SPATA17: variants seen among roughly 807,000 people sequenced by gnomAD.
SPATA17 encodes the protein spermatogenesis-associated protein 17.
Under a neutral mutation model 62.2 loss-of-function variants are expected in SPATA17, and 53 were observed. The ratio of observed to expected loss-of-function variants is 0.85; its 90% confidence interval spans 0.68 to 1.07. The LOEUF is 1.07. Ranked by LOEUF, SPATA17 falls within the 50% of genes least tolerant of loss-of-function variation. The pLI is 0.00. For missense variants in SPATA17, 466 were observed against 425.5 expected (o/e 1.10, Z -0.84); for synonymous variants, 146 against 146.8 (o/e 0.99, Z 0.04).
intron 3 of SPATA17, among the ~76,000 whole-genome samples, chr1:217,662,853 A>G (rs181417598): frequency 6.6e-6 from 1 of 152,260 alleles, no homozygotes; most frequent in African/African-American, 2.4e-5. Context: ...ATTTTTCTTT[A>G]TAGGACTTCC....
rs1439797661 is a variant in SPATA17 at position 217,774,500 on chromosome 1, C to T, written c.686C>T (p.Ser229Phe). The change falls in exon 7 of 11, where the codon TCT (serine) becomes TTT (phenylalanine). Residue 229 changes from serine (S) to phenylalanine (F), a missense_variant. Coordinates refer to ENST00000366933, the MANE Select transcript of SPATA17 (RefSeq NM_138796.4). ...ACAAGCGCCCGTTCTTTTCCTCGGT[C>T]TGAAATTCTACCACCTATTAATAGA... Reference protein sequence around the residue: ...ACTSARSFPRSEILPPINRKQ... With the variant: ...ACTSARSFPRFEILPPINRKQ... 6.2e-7 allele frequency: 1 copy of T among 1,613,978 alleles called. No individual in the cohort carries two copies. The highest frequency in any genetic ancestry group is 1.1e-5 in the South Asian group (1 of 91,070).
At chr1:217,810,450 C>G (rs1191176904) in intron 9 of SPATA17, among the ~76,000 whole-genome samples, 1 of 151,878 alleles carries the variant, frequency 6.6e-6, no homozygotes, top group Admixed American at 6.6e-5. Flanking sequence ...AGTGAAACCC[C>G]ATCTCTACTA....
intron 9 of SPATA17, among the ~76,000 whole-genome samples, chr1:217,855,310 G>A (rs953309822): frequency 5.9e-5 from 9 of 151,992 alleles, no homozygotes; most frequent in Non-Finnish European, 1.5e-5. Context: ...TAATGTTGCT[G>A]GAATATCTTA....
intron 5 of SPATA17, among the ~76,000 whole-genome samples, chr1:217,714,617 G>A (rs1196929431): frequency 6.6e-6 from 1 of 150,768 alleles, no homozygotes; most frequent in Non-Finnish European, 1.5e-5. Context: ...CCGAGTAGCT[G>A]GGACTACAGG....
chr1:217,702,732 A>C (rs1671627782), intron 5 of SPATA17, among the ~76,000 whole-genome samples: 1 of 151,958 alleles, frequency 6.6e-6, no homozygotes, highest in Non-Finnish European at 1.5e-5. Flanking sequence ...ATCCTTTGGC[A>C]TTTTTTCAGC....
At chr1:217,840,075 T>G (rs2103006265) in intron 9 of SPATA17, among the ~76,000 whole-genome samples, 1 of 152,274 alleles carries the variant, frequency 6.6e-6, no homozygotes, top group East Asian at 1.9e-4. Flanking sequence ...TACATTTTGT[T>G]ATTAATGTTA....
intron 5 of SPATA17, among the ~76,000 whole-genome samples, chr1:217,731,212 A>G (rs1672396913): frequency 6.6e-6 from 1 of 151,836 alleles, no homozygotes; most frequent in Admixed American, 6.6e-5. Context: ...TTTTCATTGT[A>G]CACTCTATAG....
At chr1:217,839,548 C>T (rs1203150502) in intron 9 of SPATA17, among the ~76,000 whole-genome samples, 2 of 151,860 alleles carry the variant, frequency 1.3e-5, no homozygotes, top group African/African-American at 2.4e-5. Context: ...ATTACAGTCT[C>T]GGGACAGGAC....
intron 1 of SPATA17, among the ~76,000 whole-genome samples, chr1:217,633,848 A>G (rs1051096041): frequency 6.6e-6 from 1 of 152,230 alleles, no homozygotes; most frequent in African/African-American, 2.4e-5. Flanking sequence ...TTGGTTGAGA[A>G]AATACATTCC....
At chr1:217,848,174 A>G (rs1675569743) in intron 9 of SPATA17, among the ~76,000 whole-genome samples, 1 of 152,226 alleles carries the variant, frequency 6.6e-6, no homozygotes, top group Non-Finnish European at 1.5e-5. Flanking sequence ...TAAAACATGC[A>G]TAAAGAAAAA....
chr1:217,644,488 G>C (rs977609223), intron 1 of SPATA17, among the ~76,000 whole-genome samples: 2 of 151,818 alleles, frequency 1.3e-5, no homozygotes, highest in Non-Finnish European at 2.9e-5. Context: ...ATAGTTACAA[G>C]TTATATGATA....
intron 2 of SPATA17, among the ~76,000 whole-genome samples, chr1:217,649,648 G>A (rs1436503519): frequency 5.3e-5 from 8 of 151,756 alleles, no homozygotes; most frequent in Non-Finnish European, 1.2e-4. Flanking sequence ...CACCATGTTG[G>A]TAGATAAAAT....
chr1:217,784,621 T>C (rs1004338807), intron 8 of SPATA17, among the ~76,000 whole-genome samples: 1 of 152,156 alleles, frequency 6.6e-6, no homozygotes, highest in Non-Finnish European at 1.5e-5. Context: ...TGAGGATTGA[T>C]AGAGAAAATG....
At chr1:217,770,978 A>ATTTTTTGTTTTTT (rs1673425327) in intron 6 of SPATA17, among the ~76,000 whole-genome samples, 1 of 50,148 alleles carries the variant, frequency 2.0e-5, no homozygotes, top group Non-Finnish European at 3.3e-5. Context: ...AACTCATTGC[A>ATTTTTTGTTTTTT]TTTTTTTTTT....
intron 3 of SPATA17, among the ~76,000 whole-genome samples, chr1:217,661,181 G>T (rs560149889): frequency 2.6e-5 from 4 of 152,168 alleles, no homozygotes; most frequent in African/African-American, 4.8e-5. Context: ...GTACAGAATG[G>T]TGTCTAAGAA....
chr1:217,851,906 A>G (rs1231492719), intron 9 of SPATA17, among the ~76,000 whole-genome samples: 2 of 152,192 alleles, frequency 1.3e-5, no homozygotes, highest in Non-Finnish European at 2.9e-5. Context: ...TTTGTTAGCT[A>G]TGCCTTTTAA....
chr1:217,640,969 T>A (rs915101745), intron 1 of SPATA17, among the ~76,000 whole-genome samples: 1 of 152,066 alleles, frequency 6.6e-6, no homozygotes, highest in Non-Finnish European at 1.5e-5. Flanking sequence ...TTTCTCTATG[T>A]TTTTCTGTAT....
intron 9 of SPATA17, among the ~76,000 whole-genome samples, chr1:217,810,381 T>C (rs1674557122): frequency 6.6e-6 from 1 of 152,180 alleles, no homozygotes; most frequent in African/African-American, 2.4e-5. Flanking sequence ...ATAAAGAAAC[T>C]ACCTGGCCAA....
intron 2 of SPATA17, among the ~76,000 whole-genome samples, chr1:217,650,660 G>A (rs1670290567): frequency 6.6e-6 from 1 of 152,084 alleles, no homozygotes. Context: ...CTAAGCTCAG[G>A]TGATCCAACC....
Sources: gnomAD v4.1 joint callset for allele counts (sites outside exome capture counted in the v4.1 genomes callset) on GRCh38, gnomAD v4.1.1 for gene constraint, MANE v1.5 for transcripts, NCBI Gene and HGNC (gene_info 2026-07-23, HGNC 2026-07-21) for gene names.